The following MACF1 variants were observed in gnomAD, a reference collection of about 807,000 sequenced individuals.
MACF1 encodes microtubule actin crosslinking factor 1.
A neutral mutation model predicts 854.8 loss-of-function variants in MACF1; 193 were observed. The ratio of observed to expected loss-of-function variants is 0.23; its 90% CI spans 0.20 to 0.25. The LOEUF is 0.25. MACF1 is among the 10% of genes least tolerant of loss of function. The probability of loss-of-function intolerance (pLI) is 1.00; values close to 1 mark genes in which losing one functional copy is unlikely to be tolerated. For synonymous variants in MACF1, 3,185 were observed against 3,226.7 expected (o/e 0.99, Z 0.44); for missense variants, 7,722 against 8,929.1 (o/e 0.86, Z 5.45).
chr1:39,130,391 A>G (rs1056686160), intron 2 of MACF1, among the ~76,000 whole-genome samples: 3 of 152,216 alleles, frequency 2.0e-5, no homozygotes, highest in Non-Finnish European at 4.4e-5. Flanking sequence ...TTGAAATGGT[A>G]CTGAGACTGC....
intron 2 of MACF1, among the ~76,000 whole-genome samples, chr1:39,087,151 C>T (rs1464573475): frequency 1.3e-5 from 2 of 152,212 alleles, no homozygotes; most frequent in Non-Finnish European, 2.9e-5. Flanking sequence ...ACCCTGGATG[C>T]TCTGAAGCTC....
chr1:39,182,655 C>G (rs1644120107), intron 2 of MACF1, among the ~76,000 whole-genome samples: 1 of 152,062 alleles, frequency 6.6e-6, no homozygotes, highest in African/African-American at 2.4e-5. Context: ...ATCAAGATCA[C>G]AATGAGATAC....
At chr1:39,368,889 A>G (rs1648976810) in intron 50 of MACF1, among the ~76,000 whole-genome samples, 1 of 152,152 alleles carries the variant, frequency 6.6e-6, no homozygotes, top group African/African-American at 2.4e-5. Flanking sequence ...CTTGGACCAA[A>G]CAGAACAAAT....
chr1:39,366,301 G>A (rs1431308737), intron 49 of MACF1, among the ~76,000 whole-genome samples: 3 of 152,022 alleles, frequency 2.0e-5, no homozygotes, highest in Non-Finnish European at 4.4e-5. Context: ...AGTCAGATCT[G>A]CTTTTGTGTT....
chr1:39,377,704 G>GA lies in MACF1; in HGVS notation c.13214-755dup, dbSNP rs538999707. ...AGGGCTCATTTTAATGTCTTTATTA[G>GA]AAGAAGGCTGCTTTTTAGGCCAGGC... On this transcript the variant is annotated intron_variant, in intron 52 of 100. Coordinates refer to ENST00000564288, the MANE Select transcript of MACF1 (RefSeq NM_001394062.1). 1.4e-3 allele frequency among the ~76,000 whole-genome samples: 217 copies of GA among 152,212 alleles called. 2 individuals are homozygous for GA. The highest frequency in any genetic ancestry group is 5.0e-3 in the African/African-American group (209 of 41,532).
At chr1:39,393,181 TAAAAAA>T (rs1192045357) in intron 58 of MACF1, among the ~76,000 whole-genome samples, 20 of 90,256 alleles carry the variant, frequency 2.2e-4, no homozygotes, top group East Asian at 9.0e-4. Context: ...CTGGGAAGGG[TAAAAAA>T]AAAAAAAAAA....
In MACF1 at chr1:39,480,972, A is replaced by G. The variant is rs564643274; in HGVS notation, c.22223A>G (p.Lys7408Arg). 1 of 1,550,876 alleles carries G rather than the reference A, an allele frequency of 6.4e-7. No homozygotes were observed. The highest frequency in any genetic ancestry group is 8.7e-7 in the Non-Finnish European group (1 of 1,147,056). ...GACAAACCCTGGTTGGTAAACAGTAAAGCTGGCACCCCTATCAGGGACAGC... is the reference window on the plus strand; with the variant it reads ...GACAAACCCTGGTTGGTAAACAGTAGAGCTGGCACCCCTATCAGGGACAGC... ...CYDKPWLVNS[K>R]AGTPIRDSHS... Residue 7408 changes from lysine to arginine, a missense_variant, in exon 99 of 101, where the codon AAA (lysine) becomes AGA (arginine). Lys to Arg is a conservative substitution (Grantham distance 26, BLOSUM62 2). Transcript: ENST00000564288.
intron 23 of MACF1, among the ~76,000 whole-genome samples, chr1:39,303,826 G>A (rs1401140979): frequency 8.6e-5 from 13 of 151,046 alleles, no homozygotes; most frequent in African/African-American, 4.9e-5. Context: ...GAGTCGAGCC[G>A]AGATTGCACC....
At chr1:39,266,045 C>G (rs757834221) in intron 6 of MACF1, among the ~76,000 whole-genome samples, 2 of 152,172 alleles carry the variant, frequency 1.3e-5, no homozygotes. Context: ...TGCTCCTTCC[C>G]TAGACCAGTT....
Position 39,282,091 on chromosome 1 carries a change from A to AGC in MACF1, c.529-117_529-116insGC. 3.1e-6 allele frequency: 3 copies of AGC among 974,660 alleles called. No homozygotes were observed. The East Asian group carries it at 7.5e-5, about 24-fold the overall frequency. The allele number at this position is 974,660 out of a possible 1,614,324, so 60.4% of individuals were successfully genotyped here. On this transcript the variant is annotated intron_variant, in intron 6 of 100. Coordinates refer to ENST00000564288, the MANE Select transcript of MACF1 (RefSeq NM_001394062.1). Reference sequence around the variant, plus strand: ...GGAATATATGTTGGAATAGTCCTCTAAAGTGCTTCCAGCCTTGGACCTTCG... The same window carrying AGC: ...GGAATATATGTTGGAATAGTCCTCTAGCAAGTGCTTCCAGCCTTGGACCTTCG...
At chr1:39,340,989 G>A in intron 40 of MACF1, 36 bp downstream of exon 40, 3 of 1,496,480 alleles carry the variant, frequency 2.0e-6, no homozygotes, top group Non-Finnish European at 2.7e-6. Context: ...CCTTTGAGTT[G>A]TATCAATTTT....
At chr1:39,157,313 C>G (rs1643711721) in intron 2 of MACF1, among the ~76,000 whole-genome samples, 1 of 152,166 alleles carries the variant, frequency 6.6e-6, no homozygotes, top group Admixed American at 6.5e-5. Flanking sequence ...TTAGCCTGAT[C>G]TTTTTAGGTG....
chr1:39,127,407 G>A (rs77927186), intron 2 of MACF1, among the ~76,000 whole-genome samples: 4,045 of 152,252 alleles, frequency 0.027, 91 homozygotes, highest in Middle Eastern at 0.078. Context: ...TGCCAGGAAT[G>A]GACTGTGTTA....
At chr1:39,339,783 G>A (rs1382506150) in intron 38 of MACF1, among the ~76,000 whole-genome samples, 1 of 152,116 alleles carries the variant, frequency 6.6e-6, no homozygotes, top group African/African-American at 2.4e-5. Flanking sequence ...TTGAGAGGGA[G>A]GAAGAGTGGC....
rs749697855 is a variant in MACF1, at chr1:39,388,455, C to T, written c.15613C>T (p.Leu5205=). 2 of 1,613,958 alleles carry T rather than the reference C, an allele frequency of 1.2e-6. No individual in the cohort carries two copies. The highest frequency in any genetic ancestry group is 1.7e-6 in the Non-Finnish European group (2 of 1,180,016). Residue 5205 remains leucine, a synonymous_variant, in exon 58 of 101, where the codon CTG becomes TTG. Transcript: ENST00000564288. The stretch of plus-strand genomic sequence containing the variant: ...AGGTCTCAAAAGGGAGCTAGAAGCC[C>T]TGAACAAACAGTGTGGCAAACTGAC... The part of the protein sequence containing the change: ...LLGLKRELEA[L]NKQCGKLTER...
intron 49 of MACF1, among the ~76,000 whole-genome samples, chr1:39,364,674 A>G (rs537163647): frequency 6.6e-6 from 1 of 151,378 alleles, no homozygotes; most frequent in Non-Finnish European, 1.5e-5. Context: ...TTGTATTTTT[A>G]GTAGAGACGG....
chr1:39,421,596 TAGTC>T (rs1372867282), intron 58 of MACF1, among the ~76,000 whole-genome samples: 7 of 152,340 alleles, frequency 4.6e-5, no homozygotes, highest in South Asian at 2.1e-4. Context: ...TTATTAGTCT[TAGTC>T]AGAGAAGAGC....
At chr1:39,186,164 C>T (rs1644165425) in intron 2 of MACF1, among the ~76,000 whole-genome samples, 1 of 135,272 alleles carries the variant, frequency 7.4e-6, no homozygotes, top group Admixed American at 7.8e-5. Flanking sequence ...GGCTGGGATT[C>T]TGAACATCTC....
At chr1:39,259,469 C>T (rs141975262) in intron 6 of MACF1, among the ~76,000 whole-genome samples, 4 of 152,246 alleles carry the variant, frequency 2.6e-5, no homozygotes, top group South Asian at 2.1e-4. Flanking sequence ...ACCATGTTGG[C>T]CAGGCTAGTC....
Sources: allele counts gnomAD v4.1 joint callset (sites outside exome capture counted in the v4.1 genomes callset), GRCh38; gene constraint gnomAD v4.1.1; transcripts MANE v1.5; gene names NCBI Gene and HGNC (gene_info 2026-07-23, HGNC 2026-07-21).